RORA: variants seen among roughly 807,000 people sequenced by gnomAD.
RORA encodes RAR related orphan receptor A, also known as nuclear receptor ROR-alpha.
A neutral mutation model predicts 69.5 loss-of-function variants in RORA; 7 were observed. The observed-to-expected ratio is 0.10, with a 90% CI of 0.06 to 0.19. RORA has a LOEUF of 0.19. Ranked by LOEUF, RORA falls within the 10% of genes least tolerant of loss-of-function variation. The probability of loss-of-function intolerance (pLI) is 1.00; values close to 1 mark genes in which losing one functional copy is unlikely to be tolerated. For missense variants in RORA, 457 were observed against 663.0 expected, an observed-to-expected ratio of 0.69 and a Z score of 3.41; for synonymous variants, 261 against 240.8, an observed-to-expected ratio of 1.08 and a Z score of -0.78.
chr15:60,784,429 T>C (rs1225619962), intron 1 of RORA, among the ~76,000 whole-genome samples: 1 of 152,210 alleles, frequency 6.6e-6, no homozygotes, highest in Non-Finnish European at 1.5e-5. Flanking sequence ...AAAGTTCTGG[T>C]CCTGCTGGCA....
chr15:60,841,008 C>T lies in RORA; in HGVS notation c.167-162322G>A, dbSNP rs541468723. The T allele has an allele frequency of 1.2e-4, 95 of 784,046 alleles. 1 individual carries two copies. In the African/African-American group the frequency reaches 1.7e-3, roughly 14 times the overall value. The allele number at this position is 784,046 out of a possible 1,614,324, so 48.6% of individuals were successfully genotyped here. A position where few individuals can be genotyped will look rare whatever the true frequency, so the allele number is the denominator to read the frequency against. On this transcript the variant is annotated intron_variant, in intron 1 of 10. Transcript: ENST00000335670. The stretch of plus-strand genomic sequence containing the variant: ...ACAATACCACCTCCTTCCTCGACAA[C>T]GATACCTTACGGAAGCCAGAGAAAT...
chr15:61,033,386 C>A (rs1896275667), intron 1 of RORA, among the ~76,000 whole-genome samples: 1 of 143,182 alleles, frequency 7.0e-6, no homozygotes, highest in South Asian at 2.2e-4. Flanking sequence ...ACTCAAGAGC[C>A]CCAAATTTAT....
intron 1 of RORA, among the ~76,000 whole-genome samples, chr15:60,889,011 C>T (rs183743407): frequency 1.3e-5 from 2 of 152,312 alleles, no homozygotes; most frequent in East Asian, 1.9e-4. Flanking sequence ...AAGCTGCTCA[C>T]GCTGTTTAAG....
At chr15:60,887,676 T>G (rs1014378429) in intron 1 of RORA, among the ~76,000 whole-genome samples, 4 of 152,140 alleles carry the variant, frequency 2.6e-5, no homozygotes, top group Non-Finnish European at 5.9e-5. Context: ...AAGGGGTTTT[T>G]AAAAATAACA....
At chr15:61,118,922 A>C (rs1365243573) in intron 1 of RORA, among the ~76,000 whole-genome samples, 1 of 152,130 alleles carries the variant, frequency 6.6e-6, no homozygotes, top group African/African-American at 2.4e-5. Flanking sequence ...GATGGCCCTG[A>C]CTACCATGTA....
chr15:60,904,239 A>G (rs1189977488), intron 1 of RORA, among the ~76,000 whole-genome samples: 1 of 152,190 alleles, frequency 6.6e-6, no homozygotes, highest in Non-Finnish European at 1.5e-5. Context: ...TCTTTATGAT[A>G]TGAGCGTCCT....
At chr15:60,743,755 G>T (rs958180285) in intron 1 of RORA, among the ~76,000 whole-genome samples, 2 of 152,224 alleles carry the variant, frequency 1.3e-5, no homozygotes, top group South Asian at 4.1e-4. Context: ...CTTATGTGCT[G>T]CTGGGCTTGG....
intron 1 of RORA, among the ~76,000 whole-genome samples, chr15:61,171,257 C>T (rs762376031): frequency 1.6e-4 from 24 of 152,118 alleles, no homozygotes; most frequent in Admixed American, 5.9e-4. Flanking sequence ...CAGGGGCACA[C>T]GGTGGGTGGG....
At chr15:61,088,747 C>A (rs539424620) in intron 1 of RORA, among the ~76,000 whole-genome samples, 33 of 152,270 alleles carry the variant, frequency 2.2e-4, no homozygotes, top group Admixed American at 1.6e-3. Context: ...AAGAAAAACA[C>A]TCATTCTGTA....
intron 2 of RORA, among the ~76,000 whole-genome samples, chr15:60,591,810 G>GACACAGCGCGGA (rs1222522564): frequency 1.3e-5 from 2 of 151,958 alleles, no homozygotes; most frequent in Admixed American, 6.5e-5. Flanking sequence ...CACAGCGCGG[G>GACACAGCGCGGA]ACACAGCGCG....
At chr15:60,951,981 C>T (rs1469836266) in intron 1 of RORA, among the ~76,000 whole-genome samples, 1 of 149,338 alleles carries the variant, frequency 6.7e-6, no homozygotes, top group African/African-American at 2.5e-5. Flanking sequence ...GGCAGAGACA[C>T]AACCAAAAAA....
chr15:60,519,887 T>C (rs6494204), intron 3 of RORA: 54,179 of 152,126 alleles, frequency 0.36, 11,761 homozygotes, highest in African/African-American at 0.61. Flanking sequence ...ACAGAATAAC[T>C]ATCATTAAAG....
At chr15:60,554,664 T>A (rs1051947694) in intron 2 of RORA, among the ~76,000 whole-genome samples, 1 of 152,186 alleles carries the variant, frequency 6.6e-6, no homozygotes, top group African/African-American at 2.4e-5. Context: ...TCTAGCTACT[T>A]TGGTGAGAAA....
chr15:60,896,732 CTTTT>C (rs66780614), intron 1 of RORA, among the ~76,000 whole-genome samples: 132 of 117,108 alleles, frequency 1.1e-3, no homozygotes, highest in Middle Eastern at 4.2e-3. Flanking sequence ...GAGAATTTAG[CTTTT>C]TTTTTTTTTT....
intron 1 of RORA, among the ~76,000 whole-genome samples, chr15:60,776,930 G>A (rs2072175810): frequency 6.6e-6 from 1 of 152,018 alleles, no homozygotes; most frequent in South Asian, 2.1e-4. Context: ...TGTATTTACT[G>A]CTAATTGTCT....
At chr15:61,030,152 G>T (rs1448928951) in intron 1 of RORA, among the ~76,000 whole-genome samples, 1 of 152,136 alleles carries the variant, frequency 6.6e-6, no homozygotes, top group Non-Finnish European at 1.5e-5. Flanking sequence ...CTAAGGAAGT[G>T]TTCACATTAA....
chr15:61,078,815 C>G (rs977028250), intron 1 of RORA, among the ~76,000 whole-genome samples: 2 of 152,154 alleles, frequency 1.3e-5, no homozygotes, highest in African/African-American at 4.8e-5. Flanking sequence ...ACCTACCTAC[C>G]TACCTGCCTA....
intron 2 of RORA, among the ~76,000 whole-genome samples, chr15:60,556,694 G>T (rs537839961): frequency 1.3e-5 from 2 of 152,272 alleles, no homozygotes; most frequent in South Asian, 2.1e-4. Flanking sequence ...TATTGGCCAC[G>T]AAAGAGATCC....
intron 1 of RORA, among the ~76,000 whole-genome samples, chr15:60,910,668 G>C (rs1891680064): frequency 6.6e-6 from 1 of 152,070 alleles, no homozygotes; most frequent in South Asian, 2.1e-4. Flanking sequence ...AAACAGACAA[G>C]GTACAAACCC....
Sources: allele counts gnomAD v4.1 joint callset (sites outside exome capture counted in the v4.1 genomes callset), GRCh38; gene constraint gnomAD v4.1.1; transcripts MANE v1.5; gene names NCBI Gene and HGNC (gene_info 2026-07-23, HGNC 2026-07-21).